The following IL13RA1 variants were observed in gnomAD, a reference collection of about 807,000 sequenced individuals.
The protein encoded by IL13RA1 is interleukin-13 receptor subunit alpha-1.
A neutral mutation model predicts 33.8 loss-of-function variants in IL13RA1; 14 were observed. That is an observed-to-expected ratio of 0.41 (90% confidence interval 0.27 to 0.65). The LOEUF is 0.65. Among genes scored for constraint, IL13RA1 ranks in the 30% least tolerant of loss-of-function variants. The probability of loss-of-function intolerance (pLI) is 0.28; values close to 1 mark genes in which losing one functional copy is unlikely to be tolerated. For synonymous variants in IL13RA1, 116 were observed against 115.7 expected, an observed-to-expected ratio of 1.00 and a Z score of -0.02; for missense variants, 313 against 327.0, an observed-to-expected ratio of 0.96 and a Z score of 0.33.
intron 4 of IL13RA1, among the ~76,000 whole-genome samples, chrX:118,753,560 C>G (rs1347044029): frequency 4.4e-5 from 5 of 112,767 alleles, no homozygotes; most frequent in Non-Finnish European, 9.4e-5. Flanking sequence ...GGGTCTTGCT[C>G]TGTTGCCCAA....
chrX:118,756,281 G>A (rs1021769126), intron 4 of IL13RA1, among the ~76,000 whole-genome samples: 3 of 111,037 alleles, frequency 2.7e-5, no homozygotes, highest in African/African-American at 9.8e-5. Context: ...ACTTGACTCT[G>A]TCTTCTGCCA....
At chrX:118,750,250 C>G (rs984652777) in intron 4 of IL13RA1, among the ~76,000 whole-genome samples, 1 of 110,996 alleles carries the variant, frequency 9.0e-6, no homozygotes, top group African/African-American at 3.3e-5. Flanking sequence ...CGTCTTAAAC[C>G]ATCTCTCCTT....
intron 10 of IL13RA1, among the ~76,000 whole-genome samples, chrX:118,778,184 A>G (rs1008609250): frequency 8.9e-6 from 1 of 112,247 alleles, no homozygotes; most frequent in Non-Finnish European, 1.9e-5. Flanking sequence ...ACTATTGATA[A>G]TAATTTATTT....
chrX:118,784,189 A>C (rs2147401140), intron 10 of IL13RA1, among the ~76,000 whole-genome samples: 1 of 100,185 alleles, frequency 1.0e-5, no homozygotes, highest in Non-Finnish European at 2.0e-5. Flanking sequence ...TTTTAAAAGC[A>C]ATATACATTT....
chrX:118,744,748 A>T lies in IL13RA1; in HGVS notation c.229-2206A>T, dbSNP rs1007986108. 3.6e-5 allele frequency among the ~76,000 whole-genome samples: 4 copies of T among 111,780 alleles called. No individual in the cohort carries two copies. The Admixed American group carries it at 3.8e-4, about 11-fold the overall frequency. On this transcript the variant is annotated intron_variant, in intron 2 of 10. Coordinates refer to ENST00000371666, the MANE Select transcript of IL13RA1 (RefSeq NM_001560.3). ...TTTAAATTAAAAATTCCATTGTGAT[A>T]ATTTTTGTGTACTAAAACTCCGTAA...
chrX:118,787,829 C>G (rs2017935968), intron 10 of IL13RA1, among the ~76,000 whole-genome samples: 1 of 111,956 alleles, frequency 8.9e-6, no homozygotes, highest in African/African-American at 3.3e-5. Flanking sequence ...TCCCTTGTTC[C>G]CTGAACATTG....
chrX:118,747,382 C>T (rs2017418903), intron 3 of IL13RA1, among the ~76,000 whole-genome samples: 1 of 109,648 alleles, frequency 9.1e-6, no homozygotes, highest in Non-Finnish European at 1.9e-5. Flanking sequence ...CACACACACA[C>T]ACGCACACCC....
Position 118,766,954 on chromosome X carries a change from T to A in IL13RA1, c.987T>A (p.Asn329Lys). ...LCYEDDKLWS[N>K]WSQEMSIGKK... is the part of the protein sequence containing the mutation. Reference sequence around the variant, plus strand: ...ATGAGGATGACAAACTCTGGAGTAATTGGAGCCAAGAAATGAGTATAGGTA... The same window carrying A: ...ATGAGGATGACAAACTCTGGAGTAAATGGAGCCAAGAAATGAGTATAGGTA... Residue 329 changes from asparagine to lysine, a missense_variant, in exon 8 of 11, where the codon AAT becomes AAA. Asn to Lys is a moderately conservative substitution (Grantham distance 94, BLOSUM62 0). Transcript: ENST00000371666. The A allele has an allele frequency of 4.4e-6, 5 of 1,131,716 alleles. No individual in the cohort carries two copies. Among genetic ancestry groups the A allele is most frequent in the Non-Finnish European group, 6.0e-6 (5 of 829,473 alleles). The allele number at this position is 1,131,716 out of a possible 1,213,427, so 93.3% of individuals were successfully genotyped here. A position where few individuals can be genotyped will look rare whatever the true frequency, so the allele number is the denominator to read the frequency against.
Position 118,776,422 on chromosome X carries a change from T to G in IL13RA1, c.1107-5T>G. 2 of 872,000 alleles carry G rather than the reference T, an allele frequency of 2.3e-6. No homozygotes were observed. The highest frequency in any genetic ancestry group is 3.4e-6 in the Non-Finnish European group (2 of 592,199). 71.9% of individuals were successfully genotyped at this position (872,000 alleles called of 1,213,427 possible). The stretch of plus-strand genomic sequence containing the variant: ...TTTGAATCAAATGTCTCTGTTTTCT[T>G]AAAGGCTCAAGATTATTATATTCCC... On this transcript the variant is annotated splice_polypyrimidine_tract_variant and splice_region_variant and intron_variant, in intron 9 of 10. Transcript: ENST00000371666.
At chrX:118,765,400 G>A (rs1345048370) in intron 6 of IL13RA1, among the ~76,000 whole-genome samples, 2 of 111,282 alleles carry the variant, frequency 1.8e-5, no homozygotes, top group African/African-American at 6.5e-5. Flanking sequence ...GTGAGCCACT[G>A]TGCCTGGCCC....
chrX:118,738,249 A>G (rs1276449525), intron 1 of IL13RA1: 1 of 111,470 alleles, frequency 9.0e-6, no homozygotes, highest in African/African-American at 3.3e-5. Context: ...ATTAAAGGGT[A>G]TATGCACAGA....
At chrX:118,790,848 G>T (rs1216291914) in intron 10 of IL13RA1, among the ~76,000 whole-genome samples, 2 of 111,945 alleles carry the variant, frequency 1.8e-5, no homozygotes, top group Non-Finnish European at 3.8e-5. Flanking sequence ...AAGAACATCT[G>T]TGCAGAAAAC....
intron 4 of IL13RA1, among the ~76,000 whole-genome samples, chrX:118,754,937 CTTT>C (rs66888164): frequency 2.2e-5 from 2 of 92,720 alleles, no homozygotes; most frequent in African/African-American, 4.1e-5. Context: ...CGGAGTCTTT[CTTT>C]TTTTTTTTTT....
intron 10 of IL13RA1, among the ~76,000 whole-genome samples, chrX:118,788,793 G>C (rs183185378): frequency 1.8e-5 from 2 of 111,662 alleles, no homozygotes; most frequent in East Asian, 5.6e-4. Flanking sequence ...TACTGTCTTA[G>C]GATAAATTGT....
At chrX:118,764,215 T>C (rs2017621724) in intron 6 of IL13RA1, among the ~76,000 whole-genome samples, 1 of 81,388 alleles carries the variant, frequency 1.2e-5, no homozygotes, top group Non-Finnish European at 2.2e-5. Flanking sequence ...GACTATCTTC[T>C]TGGTGCCCTG....
At chrX:118,777,681 C>A (rs557096589) in intron 10 of IL13RA1, among the ~76,000 whole-genome samples, 1 of 111,508 alleles carries the variant, frequency 9.0e-6, no homozygotes, top group East Asian at 2.8e-4. Context: ...GCAGCCCTAC[C>A]CCAACTGTTA....
At chrX:118,804,394 TAC>T in the IL13RA1 span, among the ~76,000 whole-genome samples, 7,654 of 89,322 alleles carry the variant, frequency 0.086, 357 homozygotes, top group African/African-American at 0.16. Context: ...CAGCCATGCA[TAC>T]ACACACACAC....
In IL13RA1 at chrX:118,746,941, T is replaced by G; in HGVS notation, c.229-13T>G. 1 of 1,175,435 alleles carries G rather than the reference T, an allele frequency of 8.5e-7. No homozygotes were observed. The highest frequency in any genetic ancestry group is 1.8e-5 in the African/African-American group (1 of 56,932). The stretch of plus-strand genomic sequence containing the variant: ...TAGCTGAAGCAATGCCTTTTTCAAT[T>G]TTCTAACCTTAGAAAATAGCTCCGG... On this transcript the variant is annotated splice_polypyrimidine_tract_variant and intron_variant, in intron 2 of 10. Transcript: ENST00000371666.
intron 10 of IL13RA1, among the ~76,000 whole-genome samples, chrX:118,779,102 T>C (rs1419858719): frequency 8.9e-6 from 1 of 112,252 alleles, no homozygotes; most frequent in Non-Finnish European, 1.9e-5. Flanking sequence ...GATTTAGGGT[T>C]GTATTATGAA....
Sources: gnomAD v4.1 joint callset for allele counts (sites outside exome capture counted in the v4.1 genomes callset) on GRCh38, gnomAD v4.1.1 for gene constraint, MANE v1.5 for transcripts, NCBI Gene and HGNC (gene_info 2026-07-23, HGNC 2026-07-21) for gene names.